SEC14L3: variants seen among roughly 807,000 people sequenced by gnomAD.
SEC14L3 encodes SEC14-like protein 3.
SEC14L3 carries 56 observed loss-of-function variants against 57.4 expected under a neutral mutation model. That is an observed-to-expected ratio of 0.97 (90% CI 0.79 to 1.22). SEC14L3 has a LOEUF of 1.22. Ranked by LOEUF, SEC14L3 falls within the 50% of genes most tolerant of loss-of-function variation. The pLI is 0.00. For missense variants in SEC14L3, 485 were observed against 511.7 expected (o/e 0.95, Z 0.50); for synonymous variants, 173 against 194.4 (o/e 0.89, Z 0.92).
rs769509551 is a variant in SEC14L3 at position 30,460,132 on chromosome 22, G to A, written c.1092C>T (p.Arg364=). ...GGACAAAGCTATAGGTGTTGTCGAAGCGTAGGACATCTGGGGGACAGATGG... is the reference window on the plus strand; with the variant it reads ...GGACAAAGCTATAGGTGTTGTCGAAACGTAGGACATCTGGGGGACAGATGG... ...TCSEAGVYVL[R]FDNTYSFVHA... The change falls in exon 12 of 12, where the codon CGC becomes CGT. Residue 364 remains arginine, a synonymous_variant. Coordinates refer to ENST00000215812, the MANE Select transcript of SEC14L3 (RefSeq NM_174975.5). 4 of 1,613,974 alleles carry A rather than the reference G, an allele frequency of 2.5e-6. No individual in the cohort carries two copies. The Admixed American group carries it at 6.7e-5, about 27-fold the overall frequency.
exon 13 of SEC14L3, chr22:30,448,010 T>A (rs1020996725): frequency 7.3e-5 from 11 of 151,688 alleles, no homozygotes; most frequent in Non-Finnish European, 1.5e-4. Flanking sequence ...TCTTGCTACT[T>A]GGTAAGTTCT....
In SEC14L3 at chr22:30,459,614, C is replaced by T. The variant is rs991853221; in HGVS notation, c.*407G>A. The stretch of plus-strand genomic sequence containing the variant: ...TTCAATGCCACAAATATACACTGAG[C>T]ATCTACTATATATAGGGAGTGGAAG... On this transcript the variant is annotated 3_prime_UTR_variant, in exon 12 of 12. Coordinates refer to ENST00000215812, the MANE Select transcript of SEC14L3 (RefSeq NM_174975.5). 2.1e-5 allele frequency: 21 copies of T among 993,650 alleles called. 1 individual carries two copies. The South Asian group carries it at 8.2e-4, about 39-fold the overall frequency. The allele number at this position is 993,650 out of a possible 1,614,324, so 61.6% of individuals were successfully genotyped here.
intron 12 of SEC14L3, among the ~76,000 whole-genome samples, chr22:30,450,568 G>C (rs1014895257): frequency 6.6e-6 from 1 of 152,174 alleles, no homozygotes; most frequent in Admixed American, 6.5e-5. Flanking sequence ...CTTCCAAAGT[G>C]CTGGGATTAC....
chr22:30,448,462 C>T (rs927017318), exon 13 of SEC14L3: 6 of 152,156 alleles, frequency 3.9e-5, no homozygotes, highest in Admixed American at 6.6e-5. Flanking sequence ...CAGGCCAAAC[C>T]CCAGGTGCAG....
At chr22:30,448,578 A>AAAAAG (rs1380778812) in exon 13 of SEC14L3, 1 of 152,292 alleles carries the variant, frequency 6.6e-6, no homozygotes, top group Non-Finnish European at 1.5e-5. Flanking sequence ...AAAAAAAAAA[A>AAAAAG]AAAAAAAGCC....
exon 13 of SEC14L3, chr22:30,449,198 A>T: frequency 6.4e-7 from 1 of 1,550,570 alleles, no homozygotes; most frequent in Non-Finnish European, 8.7e-7. Flanking sequence ...GGCTGCATAT[A>T]ATCACGGGCA....
intron 12 of SEC14L3, among the ~76,000 whole-genome samples, chr22:30,450,539 G>C (rs1234041038): frequency 6.6e-6 from 1 of 152,174 alleles, no homozygotes; most frequent in Non-Finnish European, 1.5e-5. Context: ...CTGACCTCAA[G>C]TGATCTACCT....
rs781194413 is a variant in SEC14L3 at position 30,461,330 on chromosome 22, G to T, written c.1061C>A (p.Thr354Asn). The T allele has an allele frequency of 2.5e-6, 4 of 1,605,826 alleles. No homozygotes were observed. In the African/African-American group the frequency reaches 4.0e-5, roughly 16 times the overall value. ...CTTACAGACGCCGGCCTCTGAGCAG[G>T]TGAGGTTCCCATCCTCGGGCACCAT... ...AHMVPEDGNLTCSEAGVYVLR... is the reference protein window; with the variant it reads ...AHMVPEDGNLNCSEAGVYVLR... The change falls in exon 11 of 12, where the codon ACC becomes AAC. Residue 354 changes from threonine (T) to asparagine (N), a missense_variant. Thr to Asn is a moderately conservative substitution (Grantham distance 65). Coordinates refer to ENST00000215812, the MANE Select transcript of SEC14L3 (RefSeq NM_174975.5).
chr22:30,449,377 T>C lies in SEC14L3; in HGVS notation c.905-133A>G, dbSNP rs921802690. 3 of 1,269,126 alleles carry C rather than the reference T, an allele frequency of 2.4e-6. No individual in the cohort carries two copies. The African/African-American group carries it at 4.5e-5, about 19-fold the overall frequency. 78.6% of individuals were successfully genotyped at this position (1,269,126 alleles called of 1,614,324 possible). Reference sequence around the variant, plus strand: ...TAAAATAGGATTCTATGTGTCATTCTATAATAGAATGACATTATACAATAA... The same window carrying C: ...TAAAATAGGATTCTATGTGTCATTCCATAATAGAATGACATTATACAATAA... On this transcript the variant is annotated intron_variant, in intron 12 of 12. Coordinates refer to the SEC14L3 transcript ENST00000403066.
downstream of SEC14L3, chr22:30,459,193 G>C: frequency 2.3e-6 from 2 of 854,972 alleles, no homozygotes; most frequent in Non-Finnish European, 2.8e-6. Flanking sequence ...CAAAGCTCTT[G>C]GCACAGTTTC....
At position 30,462,151 on chromosome 22, in the gene SEC14L3, CCT is replaced by C. The variant is rs1401281979; in HGVS notation, c.704_705del (p.Glu235GlyfsTer12). 1 of 1,613,982 alleles carries C rather than the reference CCT, an allele frequency of 6.2e-7. No individual in the cohort carries two copies. On this transcript the variant is annotated frameshift_variant, in exon 9 of 12. Coordinates refer to ENST00000215812, the MANE Select transcript of SEC14L3 (RefSeq NM_174975.5). LOFTEE classifies it high-confidence loss of function. ...GTGCCCCCAAACTGGGCAGGCAGTT[CCT>C]CAGGACTGATGAGTTTCAGCAAACC... ...KEGLLKLISP[E>X]ELPAQFGGTL...
At chr22:30,468,096 T>C (rs1051529797) in intron 5 of SEC14L3, among the ~76,000 whole-genome samples, 2 of 151,984 alleles carry the variant, frequency 1.3e-5, no homozygotes, top group South Asian at 2.1e-4. Flanking sequence ...CCGGCCAACA[T>C]GGTGAAACCC....
rs1935290589 is a variant in SEC14L3, at chr22:30,462,187, A to T, written c.670T>A (p.Trp224Arg). Residue 224 changes from tryptophan to arginine, a missense_variant, in exon 9 of 12, where the codon TGG becomes AGG. Physicochemically the swap from Trp to Arg is moderately radical, Grantham distance 101. Coordinates refer to ENST00000215812, the MANE Select transcript of SEC14L3 (RefSeq NM_174975.5). ...ATGAGTTTCAGCAAACCTTCCTTCCAGTTATCTGGGAGCAGTGGGATTCAA... is the reference window on the plus strand; with the variant it reads ...ATGAGTTTCAGCAAACCTTCCTTCCTGTTATCTGGGAGCAGTGGGATTCAA... ...RRKIIVLGNN[W>R]KEGLLKLISP... The T allele has an allele frequency of 6.2e-7, 1 of 1,612,848 alleles. No individual in the cohort carries two copies. The highest frequency in any genetic ancestry group is 1.7e-5 in the Admixed American group (1 of 59,874).
downstream of SEC14L3, among the ~76,000 whole-genome samples, chr22:30,457,558 T>G (rs1461038892): frequency 6.6e-6 from 1 of 152,024 alleles, no homozygotes; most frequent in African/African-American, 2.4e-5. Flanking sequence ...AAATTTTGTA[T>G]TTTTAGTAGA....
At chr22:30,457,630 G>A (rs1935142339), downstream of SEC14L3, among the ~76,000 whole-genome samples, 1 of 151,334 alleles carries the variant, frequency 6.6e-6, no homozygotes, top group South Asian at 2.1e-4. Context: ...TGATCCGCCT[G>A]CCTTGGCCTC....
chr22:30,465,744 C>A (rs1935397282), intron 7 of SEC14L3, among the ~76,000 whole-genome samples: 1 of 152,224 alleles, frequency 6.6e-6, no homozygotes, highest in Non-Finnish European at 1.5e-5. Flanking sequence ...AACGAACCAC[C>A]AGTTAGTCAA....
At position 30,448,930 on chromosome 22, in the gene SEC14L3, T is replaced by A. The variant is rs912027360; in HGVS notation, c.*157A>T. ...AACAAACCTCCAAAACTTCTTTCCC[T>A]TCCTTGGTCTGCCCTAGGCCCTCTG... On this transcript the variant is annotated 3_prime_UTR_variant, in exon 13 of 13. Transcript: ENST00000403066. The A allele has an allele frequency of 7.7e-6, 5 of 648,344 alleles. No individual in the cohort carries two copies. The Admixed American group carries it at 1.5e-4, about 19-fold the overall frequency. 40.2% of individuals were successfully genotyped at this position (648,344 alleles called of 1,614,324 possible). A position where few individuals can be genotyped will look rare whatever the true frequency, so the allele number is the denominator to read the frequency against.
At chr22:30,469,493 G>T (rs758012029) in intron 4 of SEC14L3, among the ~76,000 whole-genome samples, 1 of 152,154 alleles carries the variant, frequency 6.6e-6, no homozygotes, top group Non-Finnish European at 1.5e-5. Flanking sequence ...GCCCAGATCC[G>T]GGTACATGCC....
intron 12 of SEC14L3, among the ~76,000 whole-genome samples, chr22:30,453,596 A>G (rs924143323): frequency 1.3e-5 from 2 of 152,142 alleles, no homozygotes; most frequent in Non-Finnish European, 2.9e-5. Flanking sequence ...TATTTTTAGT[A>G]GAGGCAGGGT....
Sources: gnomAD v4.1 joint callset for allele counts (sites outside exome capture counted in the v4.1 genomes callset) on GRCh38, gnomAD v4.1.1 for gene constraint, MANE v1.5 for transcripts, NCBI Gene and HGNC (gene_info 2026-07-23, HGNC 2026-07-21) for gene names.